RIMOC1: variants seen among roughly 807,000 people sequenced by gnomAD.
RIMOC1 encodes the protein RAB7A-interacting MON1-CCZ1 complex subunit 1.
the RIMOC1 span, chr5:41,916,205 C>T: frequency 6.2e-6 from 1 of 160,880 alleles, no homozygotes; most frequent in Non-Finnish European, 1.3e-5. Flanking sequence ...GGGATGCAAA[C>T]TCCTTATTTT....
At chr5:41,909,923 G>C in the RIMOC1 span, 2 of 1,506,480 alleles carry the variant, frequency 1.3e-6, no homozygotes, top group Non-Finnish European at 1.8e-6. Flanking sequence ...AATTATGATG[G>C]AATATTGCTG....
the RIMOC1 span, chr5:41,917,521 C>G: frequency 8.2e-7 from 1 of 1,215,566 alleles, no homozygotes; most frequent in Non-Finnish European, 1.0e-6. Context: ...GTTGTTCAAA[C>G]TCACCTTAAA....
chr5:41,920,872 C>A, the RIMOC1 span: 2 of 152,138 alleles, frequency 1.3e-5, no homozygotes, highest in Non-Finnish European at 2.9e-5. Context: ...TACCTAAAGG[C>A]CTTGTTGCAT....
At chr5:41,904,487 G>A in the RIMOC1 span, 61 of 1,609,440 alleles carry the variant, frequency 3.8e-5, 2 homozygotes, top group Middle Eastern at 5.3e-3. Context: ...CGGAGGAGAG[G>A]GAGGCGGGCG....
chr5:41,917,117 G>T, the RIMOC1 span: 1 of 1,613,792 alleles, frequency 6.2e-7, no homozygotes, highest in Non-Finnish European at 8.5e-7. Context: ...AAATCATGAA[G>T]TGGATACTAG....
At chr5:41,918,463 A>T in the RIMOC1 span, 1 of 985,276 alleles carries the variant, frequency 1.0e-6, no homozygotes. Flanking sequence ...CCTCAGCTTT[A>T]TGGGATACTA....
chr5:41,916,600 C>T, the RIMOC1 span, among the ~76,000 whole-genome samples: 3 of 152,010 alleles, frequency 2.0e-5, no homozygotes, highest in Non-Finnish European at 4.4e-5. Flanking sequence ...CTAGAGCATA[C>T]CCCAAAATAA....
At chr5:41,909,906 TC>T in the RIMOC1 span, 5 of 1,555,010 alleles carry the variant, frequency 3.2e-6, no homozygotes, top group Non-Finnish European at 2.6e-6. Context: ...AGTTTTACAT[TC>T]CTGTTAATTA....
chr5:41,911,915 G>T, the RIMOC1 span, among the ~76,000 whole-genome samples: 1 of 152,158 alleles, frequency 6.6e-6, no homozygotes, highest in South Asian at 2.1e-4. Context: ...TCTTGGGATG[G>T]TGGGTCTTTA....
the RIMOC1 span, among the ~76,000 whole-genome samples, chr5:41,911,814 C>T: frequency 6.6e-6 from 1 of 152,076 alleles, no homozygotes; most frequent in East Asian, 1.9e-4. Context: ...AAGTATATTA[C>T]TGAAATGTGT....
chr5:41,918,257 C>A, the RIMOC1 span: 1 of 985,770 alleles, frequency 1.0e-6, no homozygotes, highest in African/African-American at 1.7e-5. Context: ...AATGTCACCA[C>A]CTTGAGTTTC....
At chr5:41,904,395 A>C in the RIMOC1 span, 1 of 1,614,012 alleles carries the variant, frequency 6.2e-7, no homozygotes, top group Non-Finnish European at 8.5e-7. Context: ...TAGTGTGGTG[A>C]GACGAGTGGA....
At chr5:41,911,126 T>A in the RIMOC1 span, 1 of 1,610,156 alleles carries the variant, frequency 6.2e-7, no homozygotes, top group Non-Finnish European at 8.5e-7. Context: ...GTATTGTCAT[T>A]CTCTTACCAA....
At chr5:41,913,732 T>A in the RIMOC1 span, among the ~76,000 whole-genome samples, 1 of 152,154 alleles carries the variant, frequency 6.6e-6, no homozygotes, top group African/African-American at 2.4e-5. Context: ...TTGAAAGCAT[T>A]TCATAGAAAA....
chr5:41,916,131 T>C, the RIMOC1 span, among the ~76,000 whole-genome samples: 1,271 of 152,322 alleles, frequency 8.3e-3, 21 homozygotes, highest in African/African-American at 0.029. Flanking sequence ...TTTTCTTCAA[T>C]GGCTTTAAGA....
chr5:41,909,923 GA>G, the RIMOC1 span: 2 of 1,506,480 alleles, frequency 1.3e-6, no homozygotes, highest in Admixed American at 4.2e-5. Context: ...AATTATGATG[GA>G]ATATTGCTGG....
chr5:41,915,867 C>G, the RIMOC1 span, among the ~76,000 whole-genome samples: 6 of 152,120 alleles, frequency 3.9e-5, no homozygotes, highest in East Asian at 3.9e-4. Context: ...TGTTGTTTCT[C>G]TTGCTACTCT....
the RIMOC1 span, chr5:41,911,205 T>C: frequency 6.3e-7 from 1 of 1,583,564 alleles, no homozygotes; most frequent in Non-Finnish European, 8.5e-7. Context: ...TTACACATTT[T>C]TCATTGTTGA....
chr5:41,917,967 G>A, the RIMOC1 span: 1 of 978,056 alleles, frequency 1.0e-6, no homozygotes, highest in Non-Finnish European at 1.2e-6. Context: ...AGTGAGTAAT[G>A]AAGATAAAAA....
Sources: gnomAD v4.1 joint callset for allele counts (sites outside exome capture counted in the v4.1 genomes callset) on GRCh38, gnomAD v4.1.1 for gene constraint, MANE v1.5 for transcripts, NCBI Gene and HGNC (gene_info 2026-07-23, HGNC 2026-07-21) for gene names.